MSL2: variants seen among roughly 807,000 people sequenced by gnomAD.
MSL2 encodes the protein MSL complex subunit 2, also known as E3 ubiquitin-protein ligase MSL2.
In MSL2, 2 loss-of-function variants were observed where a neutral mutation model predicts 35.8. The ratio of observed to expected loss-of-function variants is 0.06; its 90% CI spans 0.02 to 0.18. The LOEUF (loss-of-function observed/expected upper bound fraction) is 0.18, where lower values mean the gene tolerates loss of function less well. MSL2 is among the 10% of genes least tolerant of loss of function. The pLI is 1.00. For synonymous variants in MSL2, 296 were observed against 255.7 expected (o/e 1.16, Z -1.50); for missense variants, 523 against 706.7 (o/e 0.74, Z 2.95).
rs901288010 is a variant in MSL2, at chr3:136,190,024, T to C, written c.142+4948A>G. ...TGGACCCGGGAGACAAAGGTTGCAGTAAGCCGAGATCATGCCACTGCACTC... is the reference window on the plus strand; with the variant it reads ...TGGACCCGGGAGACAAAGGTTGCAGCAAGCCGAGATCATGCCACTGCACTC... On this transcript the variant is annotated intron_variant, in intron 1 of 1. Coordinates refer to ENST00000309993, the MANE Select transcript of MSL2 (RefSeq NM_018133.4). 4.6e-5 allele frequency among the ~76,000 whole-genome samples: 7 copies of C among 151,964 alleles called. No homozygotes were observed. The South Asian group carries it at 1.2e-3, about 27-fold the overall frequency.
chr3:136,179,935 G>T (rs1259286349), intron 1 of MSL2, among the ~76,000 whole-genome samples: 1 of 152,016 alleles, frequency 6.6e-6, no homozygotes, highest in Admixed American at 6.6e-5. Context: ...GCGTGGTGGC[G>T]GGGGCCTGTA....
intron 1 of MSL2, among the ~76,000 whole-genome samples, chr3:136,188,536 G>A (rs973129531): frequency 6.6e-6 from 1 of 151,802 alleles, no homozygotes; most frequent in African/African-American, 2.4e-5. Flanking sequence ...GACTGCCTCA[G>A]GCCAGGAATT....
chr3:136,169,615 A>G (rs1576364684), intron 1 of MSL2, among the ~76,000 whole-genome samples: 1 of 151,890 alleles, frequency 6.6e-6, no homozygotes, highest in Non-Finnish European at 1.5e-5. Flanking sequence ...CGCCCAGCTA[A>G]TATTTTGTAT....
At chr3:136,167,809 G>A (rs1364786386) in intron 1 of MSL2, among the ~76,000 whole-genome samples, 2 of 151,982 alleles carry the variant, frequency 1.3e-5, no homozygotes, top group Non-Finnish European at 2.9e-5. Context: ...TATTTGGAAT[G>A]GAAAAAAATC....
At chr3:136,189,124 AAAAAAAAAAAAACAC>A (rs1482440889) in intron 1 of MSL2, among the ~76,000 whole-genome samples, 1 of 143,294 alleles carries the variant, frequency 7.0e-6, no homozygotes, top group Non-Finnish European at 1.5e-5. Flanking sequence ...AAAAAAAAAA[AAAAAAAAAAAAACAC>A]ACACACAAAA....
intron 1 of MSL2, among the ~76,000 whole-genome samples, chr3:136,189,241 C>G (rs1042003703): frequency 6.9e-6 from 1 of 145,616 alleles, no homozygotes. Flanking sequence ...TTGAGCTGCA[C>G]TGAGCCGTGA....
At chr3:136,158,072 G>T (rs1374775086) in intron 1 of MSL2, among the ~76,000 whole-genome samples, 1 of 152,166 alleles carries the variant, frequency 6.6e-6, no homozygotes, top group Non-Finnish European at 1.5e-5. Context: ...AACACTTTGG[G>T]AGGCCAAGGT....
At chr3:136,182,998 A>G (rs572613051) in intron 1 of MSL2, among the ~76,000 whole-genome samples, 2 of 152,350 alleles carry the variant, frequency 1.3e-5, no homozygotes, top group South Asian at 4.1e-4. Context: ...TCTGCTGAAC[A>G]AAAGCTTAAA....
chr3:136,171,133 T>A (rs1270673827), intron 1 of MSL2, among the ~76,000 whole-genome samples: 2 of 152,188 alleles, frequency 1.3e-5, no homozygotes, highest in African/African-American at 4.8e-5. Context: ...AAATGAGACA[T>A]GTTAAATCTT....
intron 1 of MSL2, among the ~76,000 whole-genome samples, chr3:136,160,148 C>T (rs1184579369): frequency 6.6e-6 from 1 of 151,288 alleles, no homozygotes; most frequent in African/African-American, 2.4e-5. Context: ...TGATGGCACA[C>T]GCCTGTAGTC....
chr3:136,185,113 T>C (rs1940481353), intron 1 of MSL2, among the ~76,000 whole-genome samples: 1 of 152,066 alleles, frequency 6.6e-6, no homozygotes, highest in Non-Finnish European at 1.5e-5. Flanking sequence ...TAGCTGTGAT[T>C]ACAGGCATGC....
intron 1 of MSL2, chr3:136,155,828 A>G: frequency 3.5e-6 from 2 of 577,432 alleles, no homozygotes; most frequent in South Asian, 1.4e-5. Flanking sequence ...GAACTGTTCT[A>G]TGTGTAAATG....
At chr3:136,172,761 C>G (rs940058173) in intron 1 of MSL2, among the ~76,000 whole-genome samples, 1 of 151,980 alleles carries the variant, frequency 6.6e-6, no homozygotes, top group Non-Finnish European at 1.5e-5. Context: ...TGTACGTCTT[C>G]AGTTCAAGAG....
At position 136,195,150 on chromosome 3, in the gene MSL2, A is replaced by G; in HGVS notation, c.-37T>C. The G allele has an allele frequency of 6.4e-7, 1 of 1,569,704 alleles. No individual in the cohort carries two copies. Among genetic ancestry groups the G allele is most frequent in the South Asian group, 1.2e-5 (1 of 85,966 alleles). On this transcript the variant is annotated 5_prime_UTR_variant, in exon 1 of 2. Coordinates refer to ENST00000309993, the MANE Select transcript of MSL2 (RefSeq NM_018133.4). ...CGACACCAATGGCTCCCGGTTGAAA[A>G]GAAATTCCGGATCCAACTTAGTAAG...
intron 1 of MSL2, among the ~76,000 whole-genome samples, chr3:136,180,787 AGGGAG>A (rs1559969182): frequency 2.0e-4 from 12 of 61,162 alleles, no homozygotes; most frequent in Middle Eastern, 0.01. Flanking sequence ...GGAGGGAGGG[AGGGAG>A]GGAGGGAGGG....
At chr3:136,169,422 C>T (rs1308658898) in intron 1 of MSL2, among the ~76,000 whole-genome samples, 1 of 152,032 alleles carries the variant, frequency 6.6e-6, no homozygotes, top group African/African-American at 2.4e-5. Context: ...CAAATCCACT[C>T]CTATTATTGG....
In MSL2 at chr3:136,195,290, C is replaced by T; in HGVS notation, c.-177G>A. ...TTGTGGAGCTGAAACAATCCTCCCA[C>T]ACATGGGGCCTTGGCGCCCCTCCGT... On this transcript the variant is annotated 5_prime_UTR_variant, in exon 1 of 2. In the 5' UTR this introduces an upstream ATG that the reference lacks. Transcript: ENST00000309993. 7.0e-7 allele frequency: 1 copy of T among 1,423,532 alleles called. No individual in the cohort carries two copies. Among genetic ancestry groups the T allele is most frequent in the Admixed American group, 3.1e-5 (1 of 32,284 alleles). The allele number at this position is 1,423,532 out of a possible 1,614,324, so 88.2% of individuals were successfully genotyped here.
At position 136,184,112 on chromosome 3, in the gene MSL2, G is replaced by A. The variant is rs1471697574; in HGVS notation, c.142+10860C>T. Among the ~76,000 whole-genome samples the A allele has an allele frequency of 5.3e-5, 8 of 151,776 alleles. No homozygotes were observed. In the South Asian group the frequency reaches 1.2e-3, roughly 24 times the overall value. On this transcript the variant is annotated intron_variant, in intron 1 of 1. Coordinates refer to ENST00000309993, the MANE Select transcript of MSL2 (RefSeq NM_018133.4). ...AGATAGAGACCATCCTGGCTAACAC[G>A]GTGAAACCCCGTCTCTACTAAAAAT...
At chr3:136,153,363 G>C (rs1460036325) in intron 1 of MSL2, among the ~76,000 whole-genome samples, 1 of 152,088 alleles carries the variant, frequency 6.6e-6, no homozygotes, top group African/African-American at 2.4e-5. Flanking sequence ...GAGAGATTTA[G>C]TCCCTGCCCT....
Sources: allele counts gnomAD v4.1 joint callset (sites outside exome capture counted in the v4.1 genomes callset), GRCh38; gene constraint gnomAD v4.1.1; transcripts MANE v1.5; gene names NCBI Gene and HGNC (gene_info 2026-07-23, HGNC 2026-07-21).